EVI5: variants seen among roughly 807,000 people sequenced by gnomAD.
EVI5 encodes the protein ecotropic viral integration site 5 protein homolog.
EVI5 carries 73 observed loss-of-function variants against 112.0 expected under a neutral mutation model. The ratio of observed to expected loss-of-function variants is 0.65; its 90% confidence interval spans 0.54 to 0.79. The LOEUF is 0.79. Ranked by LOEUF, EVI5 falls within the 30% of genes least tolerant of loss-of-function variation. The pLI, the probability that EVI5 is intolerant of heterozygous loss-of-function variation, is 0.00. For missense variants in EVI5, 900 were observed against 968.8 expected (o/e 0.93, Z 0.94); for synonymous variants, 305 against 319.9 (o/e 0.95, Z 0.50).
At chr1:92,781,008 C>T (rs1163222250) in intron 1 of EVI5, among the ~76,000 whole-genome samples, 2 of 151,934 alleles carry the variant, frequency 1.3e-5, no homozygotes, top group South Asian at 2.1e-4. Context: ...CCCGCCACCA[C>T]GCCCAGCTAA....
chr1:92,635,799 C>T (rs1658695643), intron 14 of EVI5, among the ~76,000 whole-genome samples: 1 of 152,154 alleles, frequency 6.6e-6, no homozygotes, highest in African/African-American at 2.4e-5. Context: ...GCTCCACCCG[C>T]TCAGATGAAA....
intron 18 of EVI5, among the ~76,000 whole-genome samples, chr1:92,583,452 G>A (rs901010431): frequency 2.7e-5 from 4 of 149,182 alleles, no homozygotes; most frequent in African/African-American, 9.9e-5. Context: ...CGGAGGTTGC[G>A]GTAAGCCGAG....
intron 1 of EVI5, among the ~76,000 whole-genome samples, chr1:92,761,206 G>C (rs1681822272): frequency 6.6e-6 from 1 of 151,736 alleles, no homozygotes; most frequent in Admixed American, 6.6e-5. Context: ...AAGTTTTATA[G>C]AAACCATACA....
chr1:92,621,388 T>C (rs977077803), intron 16 of EVI5, among the ~76,000 whole-genome samples: 11 of 152,214 alleles, frequency 7.2e-5, no homozygotes, highest in Non-Finnish European at 1.5e-4. Flanking sequence ...GGCTCACTGC[T>C]GCAACCTCCA....
Position 92,636,198 on chromosome 1 carries a change from T to G in EVI5, c.1527+4A>C. ...GAATGACTGCATTTGTGTAGGTTTC[T>G]TACCTTCTCTATATCCAAGACTTTA... On this transcript the variant is annotated splice_donor_region_variant and intron_variant, in intron 14 of 19. Transcript: ENST00000684568. 6.2e-7 allele frequency: 1 copy of G among 1,609,146 alleles called. No homozygotes were observed. The highest frequency in any genetic ancestry group is 1.1e-5 in the South Asian group (1 of 89,736).
In EVI5 at chr1:92,624,254, C is replaced by T. The variant is rs1012085388; in HGVS notation, c.1749G>A (p.Met583Ile). Residue 583 changes from methionine (M) to isoleucine (I), a missense_variant, in exon 16 of 20, where the codon ATG (methionine) becomes ATA (isoleucine). By Grantham distance (10) the Met-to-Ile change is conservative. Coordinates refer to ENST00000684568, the MANE Select transcript of EVI5 (RefSeq NM_001350197.2). ...TTTCAGCTTCTCTAAGTCGAATGGTCATCAGTTCATCTTGTAACTCATTCA... is the reference window on the plus strand; with the variant it reads ...TTTCAGCTTCTCTAAGTCGAATGGTTATCAGTTCATCTTGTAACTCATTCA... ...NAMNELQDEL[M>I]TIRLREAETQ... is the part of the protein sequence containing the mutation. 3 of 1,611,944 alleles carry T rather than the reference C, an allele frequency of 1.9e-6. No individual in the cohort carries two copies. Among genetic ancestry groups the T allele is most frequent in the Non-Finnish European group, 2.5e-6 (3 of 1,178,240 alleles).
chr1:92,604,338 G>C (rs72964795), intron 18 of EVI5, among the ~76,000 whole-genome samples: 1 of 150,004 alleles, frequency 6.7e-6, no homozygotes, highest in Non-Finnish European at 1.5e-5. Context: ...CTGGGCAACA[G>C]AGTGAGATCC....
chr1:92,558,404 C>T (rs1267337036), intron 19 of EVI5, among the ~76,000 whole-genome samples: 1 of 152,166 alleles, frequency 6.6e-6, no homozygotes, highest in Non-Finnish European at 1.5e-5. Context: ...CAAATCTTAG[C>T]ATAAAAATAG....
intron 2 of EVI5, among the ~76,000 whole-genome samples, chr1:92,724,897 A>T (rs577321652): frequency 6.6e-6 from 1 of 152,328 alleles, no homozygotes; most frequent in African/African-American, 2.4e-5. Flanking sequence ...TAAGTAAAGT[A>T]AACTCTGTGA....
At chr1:92,639,055 C>G (rs1557971154) in intron 13 of EVI5, among the ~76,000 whole-genome samples, 1 of 152,140 alleles carries the variant, frequency 6.6e-6, no homozygotes, top group Non-Finnish European at 1.5e-5. Flanking sequence ...CTGGCAGTCT[C>G]AGCAAGGGGA....
intron 19 of EVI5, among the ~76,000 whole-genome samples, chr1:92,550,746 CAAAAAAAAAAAAAAAAAA>C (rs1164076965): frequency 4.4e-4 from 2 of 4,518 alleles, no homozygotes; most frequent in African/African-American, 7.3e-4. Context: ...GACTCCGTCT[CAAAAAAAAAAAAAAAAAA>C]AAAAAAAAAA....
intron 19 of EVI5, among the ~76,000 whole-genome samples, chr1:92,559,773 CAAAAAAAAAA>C (rs34723950): frequency 1.9e-4 from 9 of 47,502 alleles, no homozygotes; most frequent in African/African-American, 7.5e-4. Flanking sequence ...GACTCCCTCT[CAAAAAAAAAA>C]AAAAAAAAAA....
intron 1 of EVI5, among the ~76,000 whole-genome samples, chr1:92,772,367 C>T (rs563974122): frequency 2.0e-5 from 3 of 151,478 alleles, no homozygotes; most frequent in East Asian, 4.0e-4. Context: ...GAGGCCAAGG[C>T]GGGCTGATCA....
At chr1:92,756,064 T>G (rs1293496273) in intron 1 of EVI5, 6 of 254,900 alleles carry the variant, frequency 2.4e-5, no homozygotes, top group Non-Finnish European at 5.0e-5. Context: ...AGCTGCAGTT[T>G]CCCATCTGCT....
chr1:92,785,927 A>G (rs1570977131), upstream of EVI5, among the ~76,000 whole-genome samples: 1 of 148,434 alleles, frequency 6.7e-6, no homozygotes, highest in African/African-American at 2.5e-5. Flanking sequence ...TAAAAATACA[A>G]AAAAAAAAAA....
chr1:92,593,314 A>G (rs974779234), intron 18 of EVI5, among the ~76,000 whole-genome samples: 2 of 152,256 alleles, frequency 1.3e-5, no homozygotes, highest in Non-Finnish European at 2.9e-5. Context: ...ACCAACGACA[A>G]AAATCACATG....
In EVI5 at chr1:92,602,397, TAAAAA is replaced by T. The variant is rs936346936; in HGVS notation, c.2070+2905_2070+2909del. Among the ~76,000 whole-genome samples the T allele has an allele frequency of 1.3e-5, 2 of 151,802 alleles. 1 individual carries two copies. The highest frequency in any genetic ancestry group is 3.8e-4 in the East Asian group (2 of 5,198). On this transcript the variant is annotated intron_variant, in intron 18 of 19. Coordinates refer to ENST00000684568, the MANE Select transcript of EVI5 (RefSeq NM_001350197.2). Reference sequence around the variant, plus strand: ...AGTGACAAAACACATTTATTTTTATTAAAAAAATTTTTTTTTGAGACAAGGTCTCA... The same window carrying T: ...AGTGACAAAACACATTTATTTTTATTAATTTTTTTTTGAGACAAGGTCTCA...
chr1:92,688,926 T>C (rs1669021694), intron 9 of EVI5, among the ~76,000 whole-genome samples: 1 of 152,084 alleles, frequency 6.6e-6, no homozygotes, highest in Non-Finnish European at 1.5e-5. Context: ...TGATACTTAG[T>C]AGAAATGGAC....
intron 4 of EVI5, among the ~76,000 whole-genome samples, chr1:92,702,714 G>A (rs1671380403): frequency 6.6e-6 from 1 of 151,492 alleles, no homozygotes; most frequent in Non-Finnish European, 1.5e-5. Context: ...GCTGAGGCAG[G>A]AGAATTGCTT....
Sources: allele counts gnomAD v4.1 joint callset (sites outside exome capture counted in the v4.1 genomes callset), GRCh38; gene constraint gnomAD v4.1.1; transcripts MANE v1.5; gene names NCBI Gene and HGNC (gene_info 2026-07-23, HGNC 2026-07-21).